Variants in NCAM2 observed in about 807,000 individuals in gnomAD.
NCAM2 encodes the protein N-CAM-2.
A neutral mutation model predicts 98.1 loss-of-function variants in NCAM2; 30 were observed. The observed-to-expected ratio is 0.31, with a 90% CI of 0.23 to 0.41. NCAM2 has a LOEUF of 0.41. NCAM2 is among the 10% of genes least tolerant of loss of function. The pLI is 1.00. For missense variants in NCAM2, 867 were observed against 1,005.8 expected, an observed-to-expected ratio of 0.86 and a Z score of 1.87; for synonymous variants, 368 against 342.4, an observed-to-expected ratio of 1.07 and a Z score of -0.83.
intron 15 of NCAM2, among the ~76,000 whole-genome samples, chr21:21,479,808 G>T (rs1985666372): frequency 6.6e-6 from 1 of 151,718 alleles, no homozygotes; most frequent in Admixed American, 6.6e-5. Flanking sequence ...AAAATGGATA[G>T]AATTCTGGTT....
chr21:21,145,634 A>C (rs2067256247), intron 1 of NCAM2, among the ~76,000 whole-genome samples: 1 of 152,194 alleles, frequency 6.6e-6, no homozygotes, highest in East Asian at 1.9e-4. Context: ...AGCCAAAAAG[A>C]AGTGGGTAAG....
At chr21:21,470,818 T>A (rs948295148) in intron 14 of NCAM2, among the ~76,000 whole-genome samples, 9 of 152,040 alleles carry the variant, frequency 5.9e-5, no homozygotes, top group African/African-American at 2.2e-4. Context: ...AAGTTATCCA[T>A]CTTAGAGCTA....
chr21:21,165,557 G>C (rs2067924043), intron 1 of NCAM2, among the ~76,000 whole-genome samples: 2 of 152,134 alleles, frequency 1.3e-5, no homozygotes, highest in Admixed American at 1.3e-4. Flanking sequence ...TAAGGAATAG[G>C]TTGTCTCTGA....
At chr21:21,455,708 A>G (rs1284797886) in intron 12 of NCAM2, among the ~76,000 whole-genome samples, 1 of 151,954 alleles carries the variant, frequency 6.6e-6, no homozygotes, top group Non-Finnish European at 1.5e-5. Context: ...ATCTCGGCAA[A>G]CCATTCATAT....
chr21:21,095,154 G>A (rs2066094503), intron 1 of NCAM2, among the ~76,000 whole-genome samples: 1 of 151,658 alleles, frequency 6.6e-6, no homozygotes, highest in Admixed American at 6.6e-5. Context: ...CTAAAATAGA[G>A]TTCAGCTTAA....
chr21:21,533,017 A>C (rs1165171514), intron 16 of NCAM2, among the ~76,000 whole-genome samples: 1 of 152,036 alleles, frequency 6.6e-6, no homozygotes, highest in Non-Finnish European at 1.5e-5. Context: ...TGTGTATGTG[A>C]GGTACCTACA....
chr21:21,192,670 A>T (rs142133457), intron 1 of NCAM2, among the ~76,000 whole-genome samples: 107 of 152,326 alleles, frequency 7.0e-4, no homozygotes, highest in African/African-American at 2.5e-3. Context: ...AAACAAACAA[A>T]TGAAAAATCC....
At chr21:21,009,882 G>GGTGTGTGTGT (rs748587441) in intron 1 of NCAM2, among the ~76,000 whole-genome samples, 2 of 51,788 alleles carry the variant, frequency 3.9e-5, no homozygotes, top group Non-Finnish European at 7.7e-5. Flanking sequence ...GCCTCTGATA[G>GGTGTGTGTGT]CTGTGTGTGT....
At chr21:21,436,909 G>T (rs1978430577) in intron 12 of NCAM2, among the ~76,000 whole-genome samples, 1 of 150,832 alleles carries the variant, frequency 6.6e-6, no homozygotes, top group South Asian at 2.1e-4. Flanking sequence ...TTACAGGTGT[G>T]CACCACCACA....
intron 1 of NCAM2, among the ~76,000 whole-genome samples, chr21:21,072,641 A>G (rs1283900284): frequency 6.6e-6 from 1 of 152,190 alleles, no homozygotes; most frequent in Non-Finnish European, 1.5e-5. Context: ...ACTTTCAAAC[A>G]TGGAAATTCT....
intron 6 of NCAM2, among the ~76,000 whole-genome samples, chr21:21,333,290 T>C (rs1475550285): frequency 6.6e-6 from 1 of 152,196 alleles, no homozygotes; most frequent in Non-Finnish European, 1.5e-5. Flanking sequence ...ACTTATGTTC[T>C]CTAAATATGT....
chr21:21,205,634 AT>A (rs2069409650), intron 1 of NCAM2, among the ~76,000 whole-genome samples: 3 of 152,102 alleles, frequency 2.0e-5, no homozygotes, highest in East Asian at 1.9e-4. Context: ...AGGATCTTTA[AT>A]TTTTTTTAAG....
intron 8 of NCAM2, among the ~76,000 whole-genome samples, chr21:21,353,808 A>G (rs916074784): frequency 9.9e-5 from 15 of 152,182 alleles, no homozygotes; most frequent in African/African-American, 3.6e-4. Flanking sequence ...ACATTCTAAG[A>G]AGTACCTAAA....
At chr21:21,106,135 A>T (rs927891232) in intron 1 of NCAM2, among the ~76,000 whole-genome samples, 2 of 151,994 alleles carry the variant, frequency 1.3e-5, no homozygotes, top group Admixed American at 6.6e-5. Context: ...AGCAAGACAC[A>T]GTCTCTACAA....
intron 1 of NCAM2, among the ~76,000 whole-genome samples, chr21:21,124,532 A>G (rs1009203492): frequency 6.6e-6 from 1 of 152,210 alleles, no homozygotes; most frequent in Non-Finnish European, 1.5e-5. Flanking sequence ...GGAAAGCAGG[A>G]ACTATTGTGG....
At chr21:21,467,400 C>A (rs1011724319) in intron 13 of NCAM2, among the ~76,000 whole-genome samples, 6 of 75,656 alleles carry the variant, frequency 7.9e-5, no homozygotes, top group Non-Finnish European at 1.9e-4. Context: ...ATATATATAT[C>A]GTTGTATATG....
intron 5 of NCAM2, among the ~76,000 whole-genome samples, chr21:21,301,819 C>G (rs1422886302): frequency 1.3e-5 from 2 of 150,240 alleles, no homozygotes; most frequent in African/African-American, 4.9e-5. Flanking sequence ...ACAGACACTT[C>G]TCAAAAGAAG....
intron 1 of NCAM2, among the ~76,000 whole-genome samples, chr21:21,076,696 A>T (rs2065688095): frequency 6.6e-6 from 1 of 152,216 alleles, no homozygotes; most frequent in South Asian, 2.1e-4. Flanking sequence ...CTCACAACTA[A>T]CTGTATGAAG....
intron 14 of NCAM2, among the ~76,000 whole-genome samples, chr21:21,474,744 G>C (rs747772682): frequency 1.7e-4 from 26 of 152,036 alleles, no homozygotes; most frequent in South Asian, 8.3e-4. Flanking sequence ...CCACCCTTCA[G>C]TGTCCTTGCC....
Sources: gnomAD v4.1 joint callset for allele counts (sites outside exome capture counted in the v4.1 genomes callset) on GRCh38, gnomAD v4.1.1 for gene constraint, MANE v1.5 for transcripts, NCBI Gene and HGNC (gene_info 2026-07-23, HGNC 2026-07-21) for gene names.